Variants in ENTREP2 observed in about 807,000 individuals in gnomAD.
ENTREP2 encodes endosomal transmembrane epsin interactor 2.
chr15:29,198,631 CAT>C, the ENTREP2 span, among the ~76,000 whole-genome samples: 1 of 152,184 alleles, frequency 6.6e-6, no homozygotes, highest in Non-Finnish European at 1.5e-5. Context: ...ACAAAGCAAA[CAT>C]ATTCAGTTCA....
At chr15:29,137,307 A>T in the ENTREP2 span, 1 of 989,262 alleles carries the variant, frequency 1.0e-6, no homozygotes, top group Non-Finnish European at 1.4e-6. Context: ...TGTAATTTCA[A>T]CTGTCAAGCC....
the ENTREP2 span, chr15:29,570,550 G>A: frequency 6.8e-7 from 1 of 1,467,820 alleles, no homozygotes; most frequent in East Asian, 3.0e-5. Flanking sequence ...CGCGGGCCGA[G>A]GTGGTGAGCG....
chr15:29,219,291 T>TAATCAAAA, the ENTREP2 span, among the ~76,000 whole-genome samples: 1 of 151,988 alleles, frequency 6.6e-6, no homozygotes, highest in Non-Finnish European at 1.5e-5. Context: ...AGAATGGCCA[T>TAATCAAAA]AATCAAAAAA....
chr15:29,372,960 T>A, the ENTREP2 span, among the ~76,000 whole-genome samples: 1 of 152,062 alleles, frequency 6.6e-6, no homozygotes, highest in Non-Finnish European at 1.5e-5. Context: ...AAAATAAGCT[T>A]TGATTCAATT....
chr15:29,155,681 TC>T, the ENTREP2 span, among the ~76,000 whole-genome samples: 1 of 152,168 alleles, frequency 6.6e-6, no homozygotes, highest in African/African-American at 2.4e-5. Context: ...CCTGCTGTGT[TC>T]CCTTTCCAGC....
At chr15:29,298,099 T>C in the ENTREP2 span, among the ~76,000 whole-genome samples, 5 of 152,166 alleles carry the variant, frequency 3.3e-5, no homozygotes, top group Non-Finnish European at 5.9e-5. Context: ...GCTAGGACTA[T>C]ATAACAAAAA....
chr15:29,207,046 T>A, the ENTREP2 span, among the ~76,000 whole-genome samples: 2 of 152,118 alleles, frequency 1.3e-5, no homozygotes, highest in African/African-American at 4.8e-5. Context: ...CGCGAGTGGC[T>A]CAAAGCTACT....
the ENTREP2 span, among the ~76,000 whole-genome samples, chr15:29,396,382 G>T: frequency 6.6e-6 from 1 of 151,522 alleles, no homozygotes; most frequent in Non-Finnish European, 1.5e-5. Context: ...TCTGTGTCTG[G>T]CTAATTTCAC....
the ENTREP2 span, among the ~76,000 whole-genome samples, chr15:29,253,686 C>T: frequency 2.6e-5 from 4 of 152,076 alleles, no homozygotes; most frequent in Admixed American, 2.0e-4. Flanking sequence ...CATGATCTGC[C>T]CTCCTTGGCC....
At chr15:29,280,751 G>C in the ENTREP2 span, among the ~76,000 whole-genome samples, 1 of 152,186 alleles carries the variant, frequency 6.6e-6, no homozygotes, top group Non-Finnish European at 1.5e-5. Flanking sequence ...CCATGGGAAG[G>C]CGTTTCCTCA....
the ENTREP2 span, among the ~76,000 whole-genome samples, chr15:29,343,031 G>GC: frequency 2.0e-5 from 3 of 148,608 alleles, no homozygotes; most frequent in African/African-American, 7.3e-5. Flanking sequence ...AAGGAATGGG[G>GC]GGGGTGGTTC....
At chr15:29,468,607 T>A in the ENTREP2 span, among the ~76,000 whole-genome samples, 1 of 103,316 alleles carries the variant, frequency 9.7e-6, no homozygotes, top group African/African-American at 4.3e-5. Context: ...CAAAACTCCA[T>A]CTCAAAAAAA....
the ENTREP2 span, among the ~76,000 whole-genome samples, chr15:29,302,057 T>C: frequency 6.6e-6 from 1 of 152,206 alleles, no homozygotes; most frequent in African/African-American, 2.4e-5. Context: ...ACTATGCATA[T>C]TGAAGCTCTA....
chr15:29,147,851 A>G, the ENTREP2 span, among the ~76,000 whole-genome samples: 734 of 152,364 alleles, frequency 4.8e-3, 5 homozygotes, highest in African/African-American at 0.016. Context: ...AAGGATGTTC[A>G]TAACAGCATT....
chr15:29,564,361 G>A, the ENTREP2 span, among the ~76,000 whole-genome samples: 1 of 152,116 alleles, frequency 6.6e-6, no homozygotes, highest in East Asian at 1.9e-4. Context: ...AGCAGTTTTT[G>A]AGATCTTTTT....
the ENTREP2 span, among the ~76,000 whole-genome samples, chr15:29,656,653 A>G: frequency 6.6e-6 from 1 of 152,216 alleles, no homozygotes; most frequent in Admixed American, 6.5e-5. Context: ...CCACAGTGAG[A>G]GTCCAGTACA....
At chr15:29,562,142 T>C in the ENTREP2 span, among the ~76,000 whole-genome samples, 1 of 152,162 alleles carries the variant, frequency 6.6e-6, no homozygotes, top group Non-Finnish European at 1.5e-5. Flanking sequence ...CCTTCAAAAC[T>C]GTGGAAAACG....
At chr15:29,196,625 C>T in the ENTREP2 span, 189 of 1,516,882 alleles carry the variant, frequency 1.2e-4, 3 homozygotes, top group African/African-American at 8.1e-4. Flanking sequence ...CGAGGGTACG[C>T]GTGAGTGACA....
the ENTREP2 span, among the ~76,000 whole-genome samples, chr15:29,626,901 A>G: frequency 6.6e-6 from 1 of 152,224 alleles, no homozygotes; most frequent in Non-Finnish European, 1.5e-5. Context: ...AAAAAAACAA[A>G]TAAAAATAAA....
Sources: gnomAD v4.1 joint callset for allele counts (sites outside exome capture counted in the v4.1 genomes callset) on GRCh38, gnomAD v4.1.1 for gene constraint, MANE v1.5 for transcripts, NCBI Gene and HGNC (gene_info 2026-07-23, HGNC 2026-07-21) for gene names.